The following NPTN variants were observed in gnomAD, a reference collection of about 807,000 sequenced individuals.
NPTN encodes neuroplastin, also known as SDR-1.
NPTN carries 5 observed loss-of-function variants against 42.7 expected under a neutral mutation model. The ratio of observed to expected loss-of-function variants is 0.12; its 90% CI spans 0.06 to 0.25. The LOEUF is 0.25. Among genes scored for constraint, NPTN ranks in the 10% least tolerant of loss-of-function variants. The pLI is 1.00. For missense variants in NPTN, 307 were observed against 525.4 expected (o/e 0.58, Z 4.06); for synonymous variants, 180 against 201.9 (o/e 0.89, Z 0.92).
chr15:73,605,702 G>A (rs1013904327), intron 1 of NPTN, among the ~76,000 whole-genome samples: 2 of 150,854 alleles, frequency 1.3e-5, no homozygotes, highest in Admixed American at 1.3e-4. Flanking sequence ...ACTCCAGCCT[G>A]GGCAACAAGA....
chr15:73,589,171 G>T (rs1318475106), intron 3 of NPTN, among the ~76,000 whole-genome samples: 3 of 151,778 alleles, frequency 2.0e-5, no homozygotes, highest in Admixed American at 2.0e-4. Flanking sequence ...ATCTCTACAA[G>T]AAATAAAAAA....
At chr15:73,580,647 T>C (rs913014351) in intron 4 of NPTN, among the ~76,000 whole-genome samples, 1 of 142,420 alleles carries the variant, frequency 7.0e-6, no homozygotes, top group African/African-American at 2.6e-5. Flanking sequence ...ACATGTTATA[T>C]ATGTATATAT....
chr15:73,590,499 C>T (rs895660274), intron 3 of NPTN, among the ~76,000 whole-genome samples: 1 of 151,986 alleles, frequency 6.6e-6, no homozygotes, highest in Non-Finnish European at 1.5e-5. Flanking sequence ...CAGTGGCTCA[C>T]GCCTGTAATT....
Position 73,570,712 on chromosome 15 carries a change from C to T in NPTN, c.841-289G>A, listed in dbSNP as rs974632110. On this transcript the variant is annotated intron_variant, in intron 5 of 8. Transcript: ENST00000345330. This position sits in a 1 kb window ranked among gnomAD's most constrained non-coding sequence, Gnocchi z 4.0. ...GAAAAGTCCAACAACCTAGTAAATG[C>T]TGCCTCCAACACCAGGTAAGAAACC... 7.2e-5 allele frequency among the ~76,000 whole-genome samples: 11 copies of T among 152,194 alleles called. No homozygotes were observed. Among genetic ancestry groups the T allele is most frequent in the African/African-American group, 2.4e-4 (10 of 41,442 alleles).
chr15:73,583,838 A>G (rs1164860825), intron 4 of NPTN, among the ~76,000 whole-genome samples: 1 of 152,160 alleles, frequency 6.6e-6, no homozygotes, highest in Non-Finnish European at 1.5e-5. Context: ...GTGCATGCTG[A>G]AAGTGCCGTG....
chr15:73,616,038 A>AT lies in NPTN; in HGVS notation c.91+17086dup, dbSNP rs139447002. Among the ~76,000 whole-genome samples, 1,040 of 152,214 alleles carry AT rather than the reference A, an allele frequency of 6.8e-3. 12 individuals carry two copies. The highest frequency in any genetic ancestry group is 0.024 in the African/African-American group (977 of 41,516). On this transcript the variant is annotated intron_variant, in intron 1 of 8. Coordinates refer to ENST00000345330, the MANE Select transcript of NPTN (RefSeq NM_012428.4). ...TAATAAAAATTATTTTACTGAATCCATTTTGCATAGGGTAATTATATTTGT... is the reference window on the plus strand; with the variant it reads ...TAATAAAAATTATTTTACTGAATCCATTTTTGCATAGGGTAATTATATTTGT...
At chr15:73,631,228 T>A (rs1457282145) in intron 1 of NPTN, among the ~76,000 whole-genome samples, 1 of 152,244 alleles carries the variant, frequency 6.6e-6, no homozygotes, top group Non-Finnish European at 1.5e-5. Flanking sequence ...AATGAAACTA[T>A]GCTATTACCA....
rs1894595115 is a variant in NPTN at position 73,560,434 on chromosome 15, G to A, written c.*629C>T. On this transcript the variant is annotated 3_prime_UTR_variant, in exon 9 of 9. Transcript: ENST00000345330. ...ATTCATTATACCCATTCAGTGGACT[G>A]TTCCAGCTTATTAAAGTCACAGGTT... 6.6e-6 allele frequency: 1 copy of A among 152,620 alleles called. No homozygotes were observed. Among genetic ancestry groups the A allele is most frequent in the African/African-American group, 2.4e-5 (1 of 41,416 alleles). The allele number at this position is 152,620 out of a possible 1,614,324, so 9.5% of individuals were successfully genotyped here.
In NPTN at chr15:73,633,103, CCGCCCCCGGCG is replaced by C. The variant is rs367851067; in HGVS notation, c.91+11_91+21del. 1.2e-3 allele frequency: 1,714 copies of C among 1,432,382 alleles called. 2 individuals carry two copies. Among genetic ancestry groups the C allele is most frequent in the Non-Finnish European group, 1.5e-3 (1,627 of 1,096,254 alleles). The allele number at this position is 1,432,382 out of a possible 1,614,324, so 88.7% of individuals were successfully genotyped here. A position where few individuals can be genotyped will look rare whatever the true frequency, so the allele number is the denominator to read the frequency against. On this transcript the variant is annotated intron_variant, in intron 1 of 8. Coordinates refer to ENST00000345330, the MANE Select transcript of NPTN (RefSeq NM_012428.4). ...CGGCGCCCCTCAACCCCCGCCCGGC[CCGCCCCCGGCG>C]CCCCGCTTACCGTTCTGAGCGGCGC...
intron 4 of NPTN, among the ~76,000 whole-genome samples, chr15:73,579,598 C>T (rs1182462155): frequency 1.3e-5 from 2 of 152,026 alleles, no homozygotes; most frequent in Non-Finnish European, 2.9e-5. Context: ...CTGAAAGGAC[C>T]CAGACTTAAA....
At chr15:73,601,301 ATCTAT>A (rs1897074965) in intron 1 of NPTN, among the ~76,000 whole-genome samples, 1 of 152,094 alleles carries the variant, frequency 6.6e-6, no homozygotes, top group Admixed American at 6.6e-5. Flanking sequence ...ATGAAAAGAG[ATCTAT>A]TCCCCCTCCA....
chr15:73,596,428 G>A (rs909325305), intron 2 of NPTN, among the ~76,000 whole-genome samples: 1 of 152,156 alleles, frequency 6.6e-6, no homozygotes, highest in Admixed American at 6.5e-5. Flanking sequence ...ACAACAAGAT[G>A]ACACCAAGTC....
At chr15:73,622,451 A>T (rs2141472096) in intron 1 of NPTN, among the ~76,000 whole-genome samples, 1 of 151,982 alleles carries the variant, frequency 6.6e-6, no homozygotes, top group East Asian at 1.9e-4. Flanking sequence ...TTAGGCAATA[A>T]TGCCCTAAAT....
chr15:73,589,552 A>T (rs1425406205), intron 3 of NPTN, among the ~76,000 whole-genome samples: 1 of 152,142 alleles, frequency 6.6e-6, no homozygotes, highest in Non-Finnish European at 1.5e-5. Flanking sequence ...GAGAGGATAA[A>T]TAGTTATATA....
At chr15:73,607,048 C>A (rs1897323957) in intron 1 of NPTN, among the ~76,000 whole-genome samples, 1 of 152,088 alleles carries the variant, frequency 6.6e-6, no homozygotes, top group Non-Finnish European at 1.5e-5. Context: ...TCCTCCTTAC[C>A]CCTAATGTTT....
At chr15:73,619,710 T>C (rs1194073988) in intron 1 of NPTN, among the ~76,000 whole-genome samples, 5 of 152,242 alleles carry the variant, frequency 3.3e-5, no homozygotes, top group Admixed American at 3.3e-4. Flanking sequence ...AAAAAGTTCA[T>C]TGTAATTACT....
intron 1 of NPTN, chr15:73,632,624 C>T (rs1351357589): frequency 6.5e-6 from 1 of 153,600 alleles, no homozygotes; most frequent in African/African-American, 2.4e-5. Flanking sequence ...TCAGGACTCT[C>T]TTCCCCCCAA....
chr15:73,565,635 A>C, intron 6 of NPTN: 1 of 398,776 alleles, frequency 2.5e-6, no homozygotes, highest in South Asian at 1.8e-5. Flanking sequence ...CCCTCAGGCC[A>C]AAAGATAGCC....
chr15:73,578,439 G>A (rs192316838), intron 4 of NPTN, among the ~76,000 whole-genome samples: 31 of 152,248 alleles, frequency 2.0e-4, no homozygotes, highest in Middle Eastern at 3.4e-3. Context: ...TGGAGGTTGA[G>A]TTAACATATT....
Sources: allele counts gnomAD v4.1 joint callset (sites outside exome capture counted in the v4.1 genomes callset), GRCh38; gene constraint gnomAD v4.1.1; non-coding constraint Gnocchi (gnomAD v3.1); transcripts MANE v1.5; gene names NCBI Gene and HGNC (gene_info 2026-07-23, HGNC 2026-07-21).